ATRN: variants seen among roughly 807,000 people sequenced by gnomAD.
ATRN encodes attractin-2.
Under a neutral mutation model 178.7 loss-of-function variants are expected in ATRN, and 54 were observed. That is an observed-to-expected ratio of 0.30 (90% CI 0.24 to 0.38). The LOEUF (loss-of-function observed/expected upper bound fraction) is 0.38. Ranked by LOEUF, ATRN falls within the 10% of genes least tolerant of loss-of-function variation. ATRN has a pLI of 1.00. For synonymous variants in ATRN, 636 were observed against 663.0 expected (o/e 0.96, Z 0.63); for missense variants, 1,443 against 1,815.1 (o/e 0.79, Z 3.73).
intron 23 of ATRN, 97 bp downstream of exon 23, chr20:3,601,121 G>C: frequency 9.1e-7 from 1 of 1,099,028 alleles, no homozygotes; most frequent in East Asian, 2.5e-5. Context: ...AGACAGATTG[G>C]TTTGAAACCC....
At chr20:3,579,653 A>G (rs1287048324) in intron 15 of ATRN, among the ~76,000 whole-genome samples, 6 of 152,192 alleles carry the variant, frequency 3.9e-5, no homozygotes, top group South Asian at 2.1e-4. Context: ...TATAGTCAAT[A>G]TTCCATGATC....
intron 6 of ATRN, among the ~76,000 whole-genome samples, chr20:3,558,010 A>G (rs1438293301): frequency 3.3e-5 from 5 of 152,330 alleles, no homozygotes; most frequent in Non-Finnish European, 2.9e-5. Flanking sequence ...ATTAACACCA[A>G]TGGATTCACC....
intron 1 of ATRN, among the ~76,000 whole-genome samples, chr20:3,500,293 A>G (rs1287574279): frequency 6.6e-6 from 1 of 152,228 alleles, no homozygotes; most frequent in Non-Finnish European, 1.5e-5. Flanking sequence ...TCAGGGATCT[A>G]GAACTAGAAA....
chr20:3,573,337 A>G (rs1176388399), intron 12 of ATRN, among the ~76,000 whole-genome samples: 2 of 152,242 alleles, frequency 1.3e-5, no homozygotes, highest in Admixed American at 6.5e-5. Context: ...GGGCTATCAG[A>G]TACTTGAAAT....
chr20:3,545,689 T>C, intron 3 of ATRN, 73 bp from the exon 4 acceptor site: 1 of 1,558,136 alleles, frequency 6.4e-7, no homozygotes, highest in South Asian at 1.2e-5. Context: ...GATTTGTTTT[T>C]AATTTCTGTC....
At chr20:3,485,610 GTTTTTTTT>G (rs3084238) in intron 1 of ATRN, among the ~76,000 whole-genome samples, 2 of 67,900 alleles carry the variant, frequency 2.9e-5, no homozygotes, top group African/African-American at 1.1e-4. Context: ...TTTTTTTGAG[GTTTTTTTT>G]TTTTTTTTTT....
Position 3,638,281 on chromosome 20 carries a change from C to A in ATRN, c.3943-547C>A, listed in dbSNP as rs977531206. On this transcript the variant is annotated intron_variant, in intron 26 of 28. Coordinates refer to ENST00000262919, the MANE Select transcript of ATRN (RefSeq NM_139321.3). The surrounding 1 kb of genome is among the most constrained non-coding windows in gnomAD (Gnocchi z 4.5). ...TATTTGTCCTAATGCTCTCCCTCCC[C>A]TTGCTCCCCACCCCTGACAGGCCCC... 6.6e-6 allele frequency among the ~76,000 whole-genome samples: 1 copy of A among 152,148 alleles called. No individual in the cohort carries two copies. Among genetic ancestry groups the A allele is most frequent in the Non-Finnish European group, 1.5e-5 (1 of 68,034 alleles).
intron 3 of ATRN, among the ~76,000 whole-genome samples, chr20:3,541,338 A>C (rs2085619067): frequency 6.6e-6 from 1 of 152,018 alleles, no homozygotes; most frequent in Admixed American, 6.6e-5. Context: ...CGGCCTCCCA[A>C]AGTGCTGGGA....
chr20:3,529,345 T>C (rs1349339176), intron 1 of ATRN, among the ~76,000 whole-genome samples: 2 of 152,222 alleles, frequency 1.3e-5, no homozygotes, highest in African/African-American at 4.8e-5. Flanking sequence ...TTTCATTTTG[T>C]ATATTTATTC....
At position 3,576,901 on chromosome 20, in the gene ATRN, A is replaced by G. The variant is rs1423187407; in HGVS notation, c.2257A>G (p.Met753Val). The G allele has an allele frequency of 1.2e-6, 2 of 1,614,142 alleles. No individual in the cohort carries two copies. Among genetic ancestry groups the G allele is most frequent in the African/African-American group, 1.3e-5 (1 of 75,044 alleles). ...RYENCPKDNP[M>V]YYCNKKTSCR... ...TGAGAATTGCCCCAAGGATAACCCC[A>G]TGTACTACTGTAACAAGAAGACCAG... The change falls in exon 14 of 29, where the codon ATG becomes GTG. Residue 753 changes from methionine to valine, a missense_variant. Transcript: ENST00000262919.
chr20:3,486,667 C>T (rs1242791147), intron 1 of ATRN, among the ~76,000 whole-genome samples: 2 of 152,120 alleles, frequency 1.3e-5, no homozygotes, highest in African/African-American at 4.8e-5. Context: ...CAGGTGTGAG[C>T]CACCACACCA....
chr20:3,478,698 A>G (rs1020251291), intron 1 of ATRN, among the ~76,000 whole-genome samples: 1 of 151,528 alleles, frequency 6.6e-6, no homozygotes, highest in Non-Finnish European at 1.5e-5. Flanking sequence ...AAACAAAAAC[A>G]TGTGTCTCTT....
chr20:3,633,597 A>AT (rs2087004604), intron 25 of ATRN, among the ~76,000 whole-genome samples: 2 of 152,192 alleles, frequency 1.3e-5, no homozygotes, highest in South Asian at 2.1e-4. Context: ...GCAGTTATCT[A>AT]TTTTTTTACT....
At chr20:3,611,037 G>A (rs902157907) in intron 24 of ATRN, among the ~76,000 whole-genome samples, 13 of 152,090 alleles carry the variant, frequency 8.5e-5, no homozygotes, top group Non-Finnish European at 1.5e-4. Context: ...AAGAATTAAC[G>A]CAATATTGAT....
At chr20:3,587,036 T>C (rs573794702) in intron 18 of ATRN, among the ~76,000 whole-genome samples, 1 of 152,238 alleles carries the variant, frequency 6.6e-6, no homozygotes, top group Non-Finnish European at 1.5e-5. Context: ...TATATCTTCT[T>C]TGGAGAAATA....
intron 1 of ATRN, among the ~76,000 whole-genome samples, chr20:3,523,169 A>G (rs1187834978): frequency 2.0e-5 from 3 of 152,052 alleles, no homozygotes; most frequent in African/African-American, 7.2e-5. Context: ...GAACCTTGAA[A>G]AAAGGTTAGG....
Position 3,535,626 on chromosome 20 carries a change from C to CAT in ATRN, c.494+297_494+298dup, listed in dbSNP as rs796505953. Among the ~76,000 whole-genome samples the CAT allele has an allele frequency of 7.7e-3, 887 of 115,854 alleles. 3 individuals carry two copies. Among genetic ancestry groups the CAT allele is most frequent in the Middle Eastern group, 0.027 (6 of 224 alleles). The allele number at this position is 115,854 out of a possible 152,430, so 76.0% of individuals were successfully genotyped here. A position where few individuals can be genotyped will look rare whatever the true frequency, so the allele number is the denominator to read the frequency against. ...ACACACACACACACACACACACACA[C>CAT]ATATATATTTATTTATTTTTATGGG... On this transcript the variant is annotated intron_variant, in intron 2 of 28. Coordinates refer to ENST00000262919, the MANE Select transcript of ATRN (RefSeq NM_139321.3).
intron 24 of ATRN, among the ~76,000 whole-genome samples, chr20:3,606,269 T>A (rs2086675771): frequency 1.3e-5 from 2 of 152,218 alleles, no homozygotes; most frequent in African/African-American, 2.4e-5. Context: ...AGTGATGGAA[T>A]TTTTCAGTCC....
At chr20:3,576,380 C>T (rs564783244) in intron 13 of ATRN, among the ~76,000 whole-genome samples, 7 of 152,186 alleles carry the variant, frequency 4.6e-5, no homozygotes, top group African/African-American at 1.7e-4. Context: ...TCTCACTGCT[C>T]ATCATATATA....
Sources: gnomAD v4.1 joint callset for allele counts (sites outside exome capture counted in the v4.1 genomes callset) on GRCh38, gnomAD v4.1.1 for gene constraint, Gnocchi (gnomAD v3.1) non-coding constraint, MANE v1.5 for transcripts, NCBI Gene and HGNC (gene_info 2026-07-23, HGNC 2026-07-21) for gene names.